Variants in CSNK2A1 observed in about 807,000 individuals in gnomAD.
CSNK2A1 encodes casein kinase II subunit alpha.
Under a neutral mutation model 62.9 loss-of-function variants are expected in CSNK2A1, and 10 were observed. The ratio of observed to expected loss-of-function variants is 0.16; its 90% CI spans 0.10 to 0.27. The LOEUF is 0.27. CSNK2A1 is among the 10% of genes least tolerant of loss of function. CSNK2A1 has a pLI of 1.00. For missense variants in CSNK2A1, 160 were observed against 492.0 expected (o/e 0.33, Z 6.38); for synonymous variants, 124 against 167.8 (o/e 0.74, Z 2.02).
At chr20:510,872 A>G (rs894331207) in intron 2 of CSNK2A1, among the ~76,000 whole-genome samples, 1 of 151,630 alleles carries the variant, frequency 6.6e-6, no homozygotes. Flanking sequence ...GTGGGCTACC[A>G]CAGCTGGCTA....
At chr20:520,929 A>G (rs767093273) in intron 2 of CSNK2A1, among the ~76,000 whole-genome samples, 1 of 152,202 alleles carries the variant, frequency 6.6e-6, no homozygotes, top group Non-Finnish European at 1.5e-5. Flanking sequence ...GCGGTGGCTC[A>G]TGACTGTATA....
chr20:492,223 A>C lies in CSNK2A1; in HGVS notation c.621+31T>G, dbSNP rs758857017. On this transcript the variant is annotated intron_variant, in intron 9 of 13. Coordinates refer to ENST00000217244, the MANE Select transcript of CSNK2A1 (RefSeq NM_177559.3). ...AAATTATGTGCGAAATAAACACAGG[A>C]TCAAAACTGTGCCTGCCCTTCTGTT... The C allele has an allele frequency of 1.9e-6, 3 of 1,583,384 alleles. No homozygotes were observed. The African/African-American group carries it at 4.1e-5, about 21-fold the overall frequency.
At position 534,082 on chromosome 20, in the gene CSNK2A1, G is replaced by A. The variant is rs2019264667; in HGVS notation, c.-226-6033C>T. 3.3e-5 allele frequency among the ~76,000 whole-genome samples: 5 copies of A among 152,152 alleles called. No individual in the cohort carries two copies. The South Asian group carries it at 1.0e-3, about 32-fold the overall frequency. ...AGCACTTATGAATGTAATAACTACT[G>A]TTACCATTTGAATGCCTCTTACAAA... On this transcript the variant is annotated intron_variant, in intron 1 of 13. Coordinates refer to ENST00000217244, the MANE Select transcript of CSNK2A1 (RefSeq NM_177559.3).
intron 2 of CSNK2A1, among the ~76,000 whole-genome samples, chr20:510,013 T>G (rs1429145736): frequency 6.6e-6 from 1 of 152,152 alleles, no homozygotes; most frequent in Admixed American, 6.5e-5. Flanking sequence ...ATTGCATAAA[T>G]GCAATACTCT....
At chr20:541,349 G>A (rs191214221) in intron 1 of CSNK2A1, among the ~76,000 whole-genome samples, 175 of 152,264 alleles carry the variant, frequency 1.1e-3, no homozygotes, top group Middle Eastern at 6.8e-3. Flanking sequence ...GGCACCTTGG[G>A]AAGAGGGAGA....
chr20:532,973 G>GT (rs1353644419), intron 1 of CSNK2A1, among the ~76,000 whole-genome samples: 4 of 151,904 alleles, frequency 2.6e-5, no homozygotes, highest in East Asian at 3.9e-4. Flanking sequence ...TGAAGTTATT[G>GT]TTTTTTTTCC....
chr20:531,996 A>C (rs995301314), intron 1 of CSNK2A1, among the ~76,000 whole-genome samples: 19 of 152,204 alleles, frequency 1.2e-4, no homozygotes, highest in Non-Finnish European at 5.9e-5. Context: ...TATCCTTTGA[A>C]TCATGTGTCC....
At chr20:541,505 T>C (rs6116476) in intron 1 of CSNK2A1, among the ~76,000 whole-genome samples, 3,232 of 152,304 alleles carry the variant, frequency 0.021, 117 homozygotes, top group African/African-American at 0.073. Context: ...CATACATACA[T>C]ATGTCTTTAC....
chr20:489,617 G>A, intron 10 of CSNK2A1, 163 bp downstream of exon 10: 1 of 473,974 alleles, frequency 2.1e-6, no homozygotes, highest in East Asian at 3.1e-5. Flanking sequence ...AAAGACTAGG[G>A]GGGAATGTCT....
chr20:532,520 G>A, intron 1 of CSNK2A1, among the ~76,000 whole-genome samples: 1 of 151,928 alleles, frequency 6.6e-6, no homozygotes, highest in South Asian at 2.1e-4. Context: ...ATGGCACAAT[G>A]GGGTAAATGA....
chr20:514,686 C>A (rs1465515446), intron 2 of CSNK2A1, among the ~76,000 whole-genome samples: 1 of 152,204 alleles, frequency 6.6e-6, no homozygotes, highest in Admixed American at 6.5e-5. Flanking sequence ...AAGTGATCCA[C>A]CAGCCTCAGC....
chr20:532,271 T>TC (rs1282519915), intron 1 of CSNK2A1, among the ~76,000 whole-genome samples: 1 of 151,728 alleles, frequency 6.6e-6, no homozygotes, highest in African/African-American at 2.4e-5. Flanking sequence ...TTCAAGCGAT[T>TC]CCCCCGCCTC....
At chr20:504,986 A>T in intron 4 of CSNK2A1, 132 bp downstream of exon 4, 2 of 730,660 alleles carry the variant, frequency 2.7e-6, no homozygotes, top group African/African-American at 1.8e-5. Flanking sequence ...TATTGAGTTC[A>T]TAGGATACAA....
chr20:478,130 G>A lies in CSNK2A1; in HGVS notation c.*5831C>T, dbSNP rs2122474805. 6.6e-6 allele frequency: 1 copy of A among 152,238 alleles called. No individual in the cohort carries two copies. Among genetic ancestry groups the A allele is most frequent in the Admixed American group, 6.5e-5 (1 of 15,286 alleles). 9.4% of individuals were successfully genotyped at this position (152,238 alleles called of 1,614,324 possible). On this transcript the variant is annotated 3_prime_UTR_variant, in exon 14 of 14. Coordinates refer to ENST00000217244, the MANE Select transcript of CSNK2A1 (RefSeq NM_177559.3). ...CTCACCTCTCAATCCCCAGTGTATA[G>A]CAAAGACCAGGCTCAGGGGCACTTA...
At chr20:513,959 T>A (rs1326530998) in intron 2 of CSNK2A1, among the ~76,000 whole-genome samples, 1 of 152,224 alleles carries the variant, frequency 6.6e-6, no homozygotes, top group Non-Finnish European at 1.5e-5. Context: ...TGGCCTTCAT[T>A]AATTATACGG....
chr20:498,075 G>C (rs547167756), intron 6 of CSNK2A1: 2 of 277,162 alleles, frequency 7.2e-6, no homozygotes, highest in Non-Finnish European at 1.4e-5. Context: ...AATTTAGTTT[G>C]CTTTTCATGT....
At chr20:505,737 T>C (rs141477735) in intron 3 of CSNK2A1, among the ~76,000 whole-genome samples, 96 of 151,742 alleles carry the variant, frequency 6.3e-4, no homozygotes, top group African/African-American at 2.3e-3. Flanking sequence ...GAAAAACTTA[T>C]ACCTTTCAAT....
At position 483,408 on chromosome 20, in the gene CSNK2A1, T is replaced by C. The variant is rs1404628786; in HGVS notation, c.*553A>G. On this transcript the variant is annotated 3_prime_UTR_variant, in exon 14 of 14. Transcript: ENST00000217244. ...ACTAGGATAACCCCACTGAAGCGCTTATGGAGTAAAGTGATGTAAGCGACC... is the reference window on the plus strand; with the variant it reads ...ACTAGGATAACCCCACTGAAGCGCTCATGGAGTAAAGTGATGTAAGCGACC... The C allele has an allele frequency of 6.6e-6, 1 of 152,296 alleles. No individual in the cohort carries two copies. The highest frequency in any genetic ancestry group is 2.4e-5 in the African/African-American group (1 of 41,404). The allele number at this position is 152,296 out of a possible 1,614,324, so 9.4% of individuals were successfully genotyped here.
At chr20:497,304 T>C (rs1384578602) in intron 7 of CSNK2A1, among the ~76,000 whole-genome samples, 1 of 152,076 alleles carries the variant, frequency 6.6e-6, no homozygotes, top group African/African-American at 2.4e-5. Flanking sequence ...TAAGCCACCA[T>C]ACCCAGCTAA....
Sources: allele counts gnomAD v4.1 joint callset (sites outside exome capture counted in the v4.1 genomes callset), GRCh38; gene constraint gnomAD v4.1.1; transcripts MANE v1.5; gene names NCBI Gene and HGNC (gene_info 2026-07-23, HGNC 2026-07-21).